The following MYH7B variants were observed in gnomAD, a reference collection of about 807,000 sequenced individuals.
The protein encoded by MYH7B is myosin-7B.
Under a neutral mutation model 234.5 loss-of-function variants are expected in MYH7B, and 205 were observed. That is an observed-to-expected ratio of 0.87 (90% confidence interval 0.78 to 0.98). The LOEUF is 0.98. MYH7B is among the 50% of genes least tolerant of loss of function. The pLI, the probability that MYH7B is intolerant of heterozygous loss-of-function variation, is 0.00. For missense variants in MYH7B, 2,652 were observed against 2,633.4 expected (o/e 1.01, Z -0.15); for synonymous variants, 1,193 against 1,105.0 (o/e 1.08, Z -1.58).
rs1019552670 is a variant in MYH7B at position 35,000,561 on chromosome 20, C to T, written c.5050C>T (p.Arg1684Trp). 7 of 1,574,008 alleles carry T rather than the reference C, an allele frequency of 4.4e-6. No homozygotes were observed. The highest frequency in any genetic ancestry group is 4.6e-5 in the East Asian group (2 of 43,212). Residue 1684 changes from arginine (R) to tryptophan (W), a missense_variant, in exon 39 of 45, where the codon CGG (arginine) becomes TGG (tryptophan). By Grantham distance (101) the Arg-to-Trp change is moderately radical (BLOSUM62 -3). Around this residue, in one of 3 missense-constraint regions of MYH7B, gnomAD observed 2,279 missense variants for 2,211.4 expected, o/e 1.03. Transcript: ENST00000262873. ...CGAGCAGGCGCAGGCTCTGGAGCGC[C>T]GGGCCTCGCTGCTGGCTGCGGAGCT...
rs41312284 is a variant in MYH7B, at chr20:34,996,501, G to A, written c.3099G>A (p.Arg1033=). Residue 1033 remains arginine, a synonymous_variant, in exon 29 of 45, where the codon CGG becomes CGA. Coordinates refer to ENST00000262873, the Ensembl canonical transcript of MYH7B. ...GCGCGCTGACCAAGGCCAAGCTCCGGCTGGAGCAACAGGTGGAGGACGTGA... is the reference window on the plus strand; with the variant it reads ...GCGCGCTGACCAAGGCCAAGCTCCGACTGGAGCAACAGGTGGAGGACGTGA... 55,865 of 1,611,178 alleles carry A rather than the reference G, an allele frequency of 0.035. 1,182 individuals carry two copies. The highest frequency in any genetic ancestry group is 0.061 in the Middle Eastern group (366 of 6,012).
At chr20:34,977,632 T>C (rs368683337) in exon 4 of MYH7B, 2 of 1,578,252 alleles carry the variant, frequency 1.3e-6, no homozygotes, top group South Asian at 2.3e-5. Flanking sequence ...ACCTTGACAG[T>C]GGCAATAAAA....
chr20:34,958,744 G>A (rs538030335), intron 2 of MYH7B, among the ~76,000 whole-genome samples: 2 of 152,218 alleles, frequency 1.3e-5, no homozygotes, highest in Admixed American at 1.3e-4. Flanking sequence ...GATTACAGGC[G>A]TGAGCCACCG....
chr20:34,956,786 G>A (rs866944202), intron 1 of MYH7B, among the ~76,000 whole-genome samples: 15 of 152,288 alleles, frequency 9.8e-5, no homozygotes, highest in African/African-American at 3.6e-4. Flanking sequence ...TGGGTGCAGT[G>A]GCTCAGACCT....
In MYH7B at chr20:34,979,795, G is replaced by A. The variant is rs762473118; in HGVS notation, c.333G>A (p.Trp111Ter). Reference sequence around the variant, plus strand: ...ACCTGCGCCAGCGCTATGCCCGCTGGATGATCTATGTGAGCCCCAGGCCCG... The same window carrying A: ...ACCTGCGCCAGCGCTATGCCCGCTGAATGATCTATGTGAGCCCCAGGCCCG... The change falls in exon 7 of 45, where the codon TGG becomes TGA. Residue 111 changes from tryptophan (W) to a stop codon, truncating the protein, a stop_gained. Coordinates refer to ENST00000262873, the Ensembl canonical transcript of MYH7B. LOFTEE classifies it high-confidence loss of function. The A allele has an allele frequency of 2.5e-6, 4 of 1,613,702 alleles. No individual in the cohort carries two copies. The highest frequency in any genetic ancestry group is 3.4e-6 in the Non-Finnish European group (4 of 1,179,984).
chr20:34,979,762 G>A (rs1232857952), exon 7 of MYH7B: 3 of 1,614,044 alleles, frequency 1.9e-6, no homozygotes. Context: ...AGGCCTCTGT[G>A]CTGCACAACC....
rs1207633484 is a variant in MYH7B at position 34,997,251 on chromosome 20, G to C, written c.3358G>C (p.Ala1120Pro). The C allele has an allele frequency of 4.5e-6, 7 of 1,557,756 alleles. 1 individual carries two copies. The South Asian group carries it at 7.1e-5, about 16-fold the overall frequency. The stretch of plus-strand genomic sequence containing the variant: ...CAGCTGCCCCACGTGCCCACCCCAG[G>C]CTCGGGCGGAGGAGCTGGAAGAGGA... The change falls in exon 32 of 45, where the codon GCT becomes CCT. Residue 1120 changes from alanine (A) to proline (P), a missense_variant and splice_region_variant. Coordinates refer to ENST00000262873, the Ensembl canonical transcript of MYH7B.
At chr20:34,973,163 C>G (rs2081808385) in intron 2 of MYH7B, among the ~76,000 whole-genome samples, 1 of 152,220 alleles carries the variant, frequency 6.6e-6, no homozygotes, top group Non-Finnish European at 1.5e-5. Context: ...CCCCGCTCCC[C>G]TTTATGCCCC....
At chr20:34,955,895 A>G (rs1017043631) in exon 1 of MYH7B, 8 of 152,366 alleles carry the variant, frequency 5.3e-5, no homozygotes, top group South Asian at 2.1e-4. Flanking sequence ...GAGGCCAGGA[A>G]GGGGCGGTCG....
chr20:34,960,777 G>A (rs1318778985), intron 2 of MYH7B, among the ~76,000 whole-genome samples: 1 of 152,230 alleles, frequency 6.6e-6, no homozygotes, highest in Non-Finnish European at 1.5e-5. Context: ...CTCAGGAAAT[G>A]CCTGTGGAAT....
chr20:34,985,190 C>T (rs150143366), intron 13 of MYH7B, 61 bp downstream of exon 13: 120 of 1,521,266 alleles, frequency 7.9e-5, no homozygotes, highest in Middle Eastern at 6.9e-4. Flanking sequence ...CACCCCAACT[C>T]GGCCTCTGTC....
At chr20:34,966,914 C>T (rs182186305) in intron 2 of MYH7B, among the ~76,000 whole-genome samples, 52 of 151,252 alleles carry the variant, frequency 3.4e-4, no homozygotes, top group African/African-American at 1.3e-3. Context: ...AACAGTGATA[C>T]CTTGTCTTTA....
chr20:34,996,802 C>G (rs2147230184), intron 30 of MYH7B, 44 bp downstream of exon 30: 1 of 1,585,344 alleles, frequency 6.3e-7, no homozygotes, highest in Admixed American at 1.8e-5. Context: ...TGAGCCTGCA[C>G]CTGGCCCTTG....
intron 9 of MYH7B, 60 bp from the exon 10 acceptor site, chr20:34,982,399 T>TG (rs1433794919): frequency 7.6e-6 from 10 of 1,315,254 alleles, no homozygotes; most frequent in Non-Finnish European, 9.3e-6. Flanking sequence ...GGTGAGGCAT[T>TG]GGGGGTGGGG....
intron 5 of MYH7B, among the ~76,000 whole-genome samples, chr20:34,978,781 C>A (rs999818112): frequency 2.0e-5 from 3 of 152,148 alleles, no homozygotes; most frequent in South Asian, 2.1e-4. Context: ...GTACTGGGGT[C>A]TGTAGGTTAT....
intron 2 of MYH7B, among the ~76,000 whole-genome samples, chr20:34,973,462 A>G (rs2081811381): frequency 6.6e-6 from 1 of 152,204 alleles, no homozygotes; most frequent in Non-Finnish European, 1.5e-5. Context: ...GGGCAGATAC[A>G]TTTTGGGCTG....
Position 34,966,951 on chromosome 20 carries a change from C to G in MYH7B, c.-221-8449C>G, listed in dbSNP as rs528008564. Among the ~76,000 whole-genome samples, 60 of 152,036 alleles carry G rather than the reference C, an allele frequency of 3.9e-4. 1 individual carries two copies. In the South Asian group the frequency reaches 0.012, roughly 31 times the overall value. On this transcript the variant is annotated intron_variant, in intron 2 of 44. Transcript: ENST00000262873. ...AAATTTTTTTTTTAAAAAAGGGAGG[C>G]TGAGCACGGTGGCTCACACCTGTAA... is the stretch of plus-strand genomic sequence containing the variant.
intron 16 of MYH7B, 134 bp from the exon 17 acceptor site, chr20:34,987,423 C>T (rs116731576): frequency 7.0e-7 from 1 of 1,419,928 alleles, no homozygotes. Flanking sequence ...AACCCTTACC[C>T]TCCTGAGGCT....
chr20:34,999,623 G>C, exon 37 of MYH7B: 1 of 1,613,766 alleles, frequency 6.2e-7, no homozygotes, highest in Non-Finnish European at 8.5e-7. Context: ...AGAGCATCCA[G>C]GAACTGGAGA....
Sources: gnomAD v4.1 joint callset for allele counts (sites outside exome capture counted in the v4.1 genomes callset) on GRCh38, gnomAD v4.1.1 for gene constraint, gnomAD v4.1.1 regional missense constraint, MANE v1.5 for transcripts, NCBI Gene and HGNC (gene_info 2026-07-23, HGNC 2026-07-21) for gene names.